TRPM3: variants seen among roughly 807,000 people sequenced by gnomAD.
The protein encoded by TRPM3 is long transient receptor potential channel 3.
In TRPM3, 77 loss-of-function variants were observed where a neutral mutation model predicts 181.2. The observed-to-expected ratio is 0.42, with a 90% CI of 0.35 to 0.51. TRPM3 has a LOEUF of 0.51. TRPM3 is among the 20% of genes least tolerant of loss of function. The pLI is 0.01. For synonymous variants in TRPM3, 745 were observed against 796.4 expected (o/e 0.94, Z 1.09); for missense variants, 1,759 against 2,196.7 (o/e 0.80, Z 3.98).
At chr9:71,294,113 A>G (rs1216769535) in intron 1 of TRPM3, among the ~76,000 whole-genome samples, 1 of 152,008 alleles carries the variant, frequency 6.6e-6, no homozygotes, top group Non-Finnish European at 1.5e-5. Flanking sequence ...TTATGTACCA[A>G]TTTTCTAAAA....
At chr9:71,121,104 G>T in intron 1 of TRPM3, 74 bp downstream of exon 1, 1 of 1,488,998 alleles carries the variant, frequency 6.7e-7, no homozygotes, top group Non-Finnish European at 9.2e-7. Flanking sequence ...GTGCGTCCCA[G>T]CCCAAGTCCC....
At chr9:70,574,899 T>C (rs1433276988) in intron 22 of TRPM3, among the ~76,000 whole-genome samples, 2 of 152,026 alleles carry the variant, frequency 1.3e-5, no homozygotes, top group African/African-American at 2.4e-5. Flanking sequence ...TATTTTGGCA[T>C]AGTTGTTTCA....
chr9:71,369,368 G>T (rs2092439052), intron 1 of TRPM3, among the ~76,000 whole-genome samples: 1 of 152,130 alleles, frequency 6.6e-6, no homozygotes, highest in South Asian at 2.1e-4. Flanking sequence ...CAATGCACTT[G>T]AAAATATAAA....
intron 1 of TRPM3, among the ~76,000 whole-genome samples, chr9:71,217,530 G>C (rs2079968610): frequency 1.3e-5 from 2 of 152,158 alleles, no homozygotes; most frequent in African/African-American, 4.8e-5. Flanking sequence ...ATGGTATTTA[G>C]TGCAGTACTG....
chr9:70,616,016 G>A lies in TRPM3; in HGVS notation c.2418C>T (p.Asp806=), dbSNP rs748617559. The A allele has an allele frequency of 8.7e-6, 14 of 1,611,550 alleles. No individual in the cohort carries two copies. Among genetic ancestry groups the A allele is most frequent in the Middle Eastern group, 1.7e-4 (1 of 6,046 alleles). Residue 806 remains aspartate (D), a synonymous_variant, in exon 18 of 26, where the codon GAC becomes GAT. Transcript: ENST00000677713. ...GGGCCTGAGACATATAGGGCATGTCGTCTTTGTTCTTGAACTCCAAGCTGA... is the reference window on the plus strand; with the variant it reads ...GGGCCTGAGACATATAGGGCATGTCATCTTTGTTCTTGAACTCCAAGCTGA... ...SILSLEFKNK[D]DMPYMSQAQE...
At chr9:71,304,804 C>T (rs148719270) in intron 1 of TRPM3, among the ~76,000 whole-genome samples, 322 of 152,236 alleles carry the variant, frequency 2.1e-3, no homozygotes, top group African/African-American at 7.5e-3. Flanking sequence ...CATGTATAGA[C>T]GGAACAGATT....
At position 70,553,246 on chromosome 9, in the gene TRPM3, T is replaced by A. The variant is rs2046868333; in HGVS notation, c.3288A>T (p.Thr1096=). ...TGATGGCCGGCACGATCCAAGCTCC[T>A]GTCTTGCAGGGAGGCAGCTGGATTA... is the stretch of plus-strand genomic sequence containing the variant. ...GKIIQLPPCK[T]GAWIVPAIMA... The change falls in exon 23 of 26, where the codon ACA becomes ACT. Residue 1096 remains threonine, a synonymous_variant. Coordinates refer to ENST00000677713, the MANE Select transcript of TRPM3 (RefSeq NM_001366145.2). 1 of 1,614,030 alleles carries A rather than the reference T, an allele frequency of 6.2e-7. No homozygotes were observed. The highest frequency in any genetic ancestry group is 1.3e-5 in the African/African-American group (1 of 74,922).
intron 1 of TRPM3, among the ~76,000 whole-genome samples, chr9:71,032,077 TTA>T (rs1174417443): frequency 3.1e-4 from 3 of 9,698 alleles, no homozygotes; most frequent in African/African-American, 1.1e-3. Flanking sequence ...TTATATTATA[TTA>T]TATATATATA....
intron 1 of TRPM3, among the ~76,000 whole-genome samples, chr9:71,096,588 ACACTCTCTCT>A (rs1416689534): frequency 1.0e-5 from 1 of 96,874 alleles, no homozygotes; most frequent in Non-Finnish European, 2.1e-5. Context: ...ACACACACAC[ACACTCTCTCT>A]CTCTCTCTCT....
intron 1 of TRPM3, among the ~76,000 whole-genome samples, chr9:71,022,959 A>C (rs527184): frequency 0.24 from 36,825 of 152,016 alleles, 5,076 homozygotes; most frequent in East Asian, 0.41. Flanking sequence ...CTAGCCTTGA[A>C]ACCAAAAGCA....
chr9:70,677,059 C>A lies in TRPM3; in HGVS notation c.1345+4447G>T, dbSNP rs142637179. Among the ~76,000 whole-genome samples the A allele has an allele frequency of 7.3e-5, 11 of 151,242 alleles. No individual in the cohort carries two copies. In the East Asian group the frequency reaches 2.2e-3, roughly 30 times the overall value. ...ACCTGGAAGCAAGTAAGGTAGGAGGCGGGACTTGACTCCAGAGGCAGGGCT... is the reference window on the plus strand; with the variant it reads ...ACCTGGAAGCAAGTAAGGTAGGAGGAGGGACTTGACTCCAGAGGCAGGGCT... On this transcript the variant is annotated intron_variant, in intron 9 of 25. Transcript: ENST00000677713.
At chr9:70,974,761 A>G (rs936767947) in intron 1 of TRPM3, among the ~76,000 whole-genome samples, 4 of 151,912 alleles carry the variant, frequency 2.6e-5, no homozygotes, top group African/African-American at 9.7e-5. Context: ...AAAATAACTT[A>G]TTCAAGGACA....
intron 7 of TRPM3, among the ~76,000 whole-genome samples, chr9:70,777,986 G>GACACACAC (rs149258078): frequency 6.7e-6 from 1 of 149,218 alleles, no homozygotes; most frequent in Non-Finnish European, 1.5e-5. Context: ...AAATTTAACA[G>GACACACAC]ACACAGACAC....
At chr9:71,296,285 T>C (rs143478816) in intron 1 of TRPM3, among the ~76,000 whole-genome samples, 283 of 152,278 alleles carry the variant, frequency 1.9e-3, no homozygotes, top group African/African-American at 6.5e-3. Context: ...ACAAGGTCCC[T>C]ACCCCCTTGC....
chr9:70,784,997 G>T (rs2083296265), intron 6 of TRPM3, among the ~76,000 whole-genome samples: 1 of 152,140 alleles, frequency 6.6e-6, no homozygotes, highest in South Asian at 2.1e-4. Context: ...AAGTAGCTGG[G>T]ATTATAGGCA....
At chr9:71,177,110 T>C (rs1278070592) in intron 1 of TRPM3, among the ~76,000 whole-genome samples, 1 of 152,118 alleles carries the variant, frequency 6.6e-6, no homozygotes, top group East Asian at 1.9e-4. Context: ...TGAACCCTGC[T>C]GTGAACTGTG....
At position 70,696,170 on chromosome 9, in the gene TRPM3, A is replaced by T. The variant is rs192554543; in HGVS notation, c.1273-14592T>A. On this transcript the variant is annotated intron_variant, in intron 8 of 25. Coordinates refer to ENST00000677713, the MANE Select transcript of TRPM3 (RefSeq NM_001366145.2). ...GTAGTATGGCTGGCGCATTTTGGGC[A>T]CCCAATGAATGTTTGTGGAATAATT... Among the ~76,000 whole-genome samples the T allele has an allele frequency of 2.2e-4, 33 of 152,324 alleles. No individual in the cohort carries two copies. The East Asian group carries it at 5.6e-3, about 26-fold the overall frequency.
At chr9:71,422,552 G>A (rs1428647474) in intron 1 of TRPM3, among the ~76,000 whole-genome samples, 1 of 151,994 alleles carries the variant, frequency 6.6e-6, no homozygotes, top group Non-Finnish European at 1.5e-5. Flanking sequence ...TTTACGAAAT[G>A]TAGTTTGAAA....
intron 1 of TRPM3, among the ~76,000 whole-genome samples, chr9:71,204,641 G>A (rs892098525): frequency 1.3e-5 from 2 of 152,158 alleles, no homozygotes; most frequent in African/African-American, 4.8e-5. Context: ...CAACCCTTGT[G>A]GAAGTCAGTG....
Sources: gnomAD v4.1 joint callset for allele counts (sites outside exome capture counted in the v4.1 genomes callset) on GRCh38, gnomAD v4.1.1 for gene constraint, MANE v1.5 for transcripts, NCBI Gene and HGNC (gene_info 2026-07-23, HGNC 2026-07-21) for gene names.